SAMD5: variants seen among roughly 807,000 people sequenced by gnomAD.
SAMD5 encodes sterile alpha motif domain containing 5, also known as sterile alpha motif domain-containing protein 5.
A neutral mutation model predicts 11.3 loss-of-function variants in SAMD5; 13 were observed. The observed-to-expected ratio is 1.15, with a 90% CI of 0.75 to 1.83. The LOEUF is 1.83. Among genes scored for constraint, SAMD5 ranks in the 40% most tolerant of loss-of-function variants. The pLI is 0.00. For synonymous variants in SAMD5, 129 were observed against 111.3 expected, an observed-to-expected ratio of 1.16 and a Z score of -1.00; for missense variants, 255 against 239.1, an observed-to-expected ratio of 1.07 and a Z score of -0.44.
At chr6:147,795,819 A>G in the SAMD5 span, among the ~76,000 whole-genome samples, 20,725 of 151,388 alleles carry the variant, frequency 0.14, 1,528 homozygotes, top group Middle Eastern at 0.19. Context: ...ATGGCCAGTG[A>G]TGGTGAGCAT....
the SAMD5 span, among the ~76,000 whole-genome samples, chr6:147,845,903 T>G: frequency 6.6e-6 from 1 of 152,196 alleles, no homozygotes. Flanking sequence ...AGAAACTATG[T>G]TCACACAAAA....
intron 1 of SAMD5, among the ~76,000 whole-genome samples, chr6:147,557,794 A>G (rs1209346983): frequency 6.6e-6 from 1 of 152,238 alleles, no homozygotes; most frequent in East Asian, 1.9e-4. Context: ...ATTGCAGAGC[A>G]TAGAAGTAGT....
the SAMD5 span, among the ~76,000 whole-genome samples, chr6:147,870,405 C>T: frequency 6.6e-6 from 1 of 151,500 alleles, no homozygotes; most frequent in Non-Finnish European, 1.5e-5. Flanking sequence ...GCCACAGAAG[C>T]ACTCTATTTT....
the SAMD5 span, among the ~76,000 whole-genome samples, chr6:147,901,529 G>A: frequency 6.6e-6 from 1 of 152,050 alleles, no homozygotes; most frequent in Admixed American, 6.5e-5. Flanking sequence ...TTTTTTCCAT[G>A]CTGGATTAAA....
the SAMD5 span, among the ~76,000 whole-genome samples, chr6:147,939,476 G>A: frequency 7.2e-5 from 11 of 152,216 alleles, no homozygotes; most frequent in Non-Finnish European, 8.8e-5. Context: ...CAAGAGTTGC[G>A]TCTTTAAAAC....
the SAMD5 span, among the ~76,000 whole-genome samples, chr6:147,790,114 A>G: frequency 6.6e-6 from 1 of 152,176 alleles, no homozygotes; most frequent in Non-Finnish European, 1.5e-5. Context: ...ATCCAAAGAA[A>G]ATGGCATGCA....
the SAMD5 span, among the ~76,000 whole-genome samples, chr6:147,822,909 G>T: frequency 6.6e-6 from 1 of 152,140 alleles, no homozygotes; most frequent in African/African-American, 2.4e-5. Flanking sequence ...CCACCTCCTG[G>T]GTTCAAGCGA....
intron 1 of SAMD5, among the ~76,000 whole-genome samples, chr6:147,618,344 G>C (rs546489621): frequency 2.6e-5 from 4 of 152,258 alleles, no homozygotes; most frequent in African/African-American, 9.6e-5. Context: ...CTCAGTGTTG[G>C]GGGGAGTCTC....
intron 1 of SAMD5, among the ~76,000 whole-genome samples, chr6:147,725,425 G>T (rs1057012074): frequency 1.4e-5 from 2 of 141,292 alleles, no homozygotes; most frequent in African/African-American, 5.4e-5. Flanking sequence ...GTCTAGCTCT[G>T]TCACCCAGGT....
At chr6:147,703,463 T>C (rs1264337810) in intron 1 of SAMD5, among the ~76,000 whole-genome samples, 1 of 152,210 alleles carries the variant, frequency 6.6e-6, no homozygotes. Flanking sequence ...CCAAACGGTA[T>C]CTTACCATTA....
the SAMD5 span, among the ~76,000 whole-genome samples, chr6:147,905,545 A>G: frequency 1.3e-5 from 2 of 152,216 alleles, no homozygotes; most frequent in Non-Finnish European, 2.9e-5. Flanking sequence ...AAAACAAAAA[A>G]ACAAAATCAC....
At chr6:147,809,323 G>C in the SAMD5 span, among the ~76,000 whole-genome samples, 1 of 152,086 alleles carries the variant, frequency 6.6e-6, no homozygotes, top group Non-Finnish European at 1.5e-5. Flanking sequence ...ATTTCTAGCT[G>C]CTATAGCCTG....
At chr6:147,826,062 C>A in the SAMD5 span, among the ~76,000 whole-genome samples, 8 of 152,210 alleles carry the variant, frequency 5.3e-5, no homozygotes, top group Non-Finnish European at 1.0e-4. Context: ...CAGAACTACA[C>A]CTGCCTTATG....
chr6:147,954,544 G>A, the SAMD5 span, among the ~76,000 whole-genome samples: 2 of 151,992 alleles, frequency 1.3e-5, no homozygotes, highest in Non-Finnish European at 2.9e-5. Context: ...CTAGGCCTTC[G>A]CATTCACCCA....
the SAMD5 span, among the ~76,000 whole-genome samples, chr6:147,867,936 A>G: frequency 6.6e-6 from 1 of 152,228 alleles, no homozygotes. Flanking sequence ...GAAGCCTAGA[A>G]TAAGAATGTT....
chr6:147,692,193 C>T (rs891153917), intron 1 of SAMD5, among the ~76,000 whole-genome samples: 3 of 152,162 alleles, frequency 2.0e-5, no homozygotes, highest in Admixed American at 2.0e-4. Context: ...ATGAAGTTCT[C>T]TAGAGGAGAA....
chr6:147,535,240 C>A (rs55824064), intron 1 of SAMD5, among the ~76,000 whole-genome samples: 10 of 152,320 alleles, frequency 6.6e-5, no homozygotes, highest in Non-Finnish European at 1.3e-4. Flanking sequence ...ATTGTGTGAG[C>A]GTGCTCATGC....
chr6:147,764,427 A>C, the SAMD5 span, among the ~76,000 whole-genome samples: 15 of 152,216 alleles, frequency 9.9e-5, no homozygotes, highest in Non-Finnish European at 1.9e-4. Context: ...ATCATTTTGC[A>C]CCTGAAATGC....
At chr6:147,862,171 G>T in the SAMD5 span, among the ~76,000 whole-genome samples, 4 of 151,846 alleles carry the variant, frequency 2.6e-5, no homozygotes, top group African/African-American at 9.7e-5. Context: ...TTTTTAAATA[G>T]ATAATTATTT....
Sources: gnomAD v4.1 joint callset for allele counts (sites outside exome capture counted in the v4.1 genomes callset) on GRCh38, gnomAD v4.1.1 for gene constraint, MANE v1.5 for transcripts, NCBI Gene and HGNC (gene_info 2026-07-23, HGNC 2026-07-21) for gene names.